GHR: variants seen among roughly 807,000 people sequenced by gnomAD.
GHR encodes the protein GH receptor.
Under a neutral mutation model 67.1 loss-of-function variants are expected in GHR, and 35 were observed. That is an observed-to-expected ratio of 0.52 (90% CI 0.40 to 0.69). GHR has a LOEUF of 0.69. Among genes scored for constraint, GHR ranks in the 30% least tolerant of loss-of-function variants. The pLI is 0.00. For missense variants in GHR, 792 were observed against 764.6 expected, an observed-to-expected ratio of 1.04 and a Z score of -0.42; for synonymous variants, 272 against 269.1, an observed-to-expected ratio of 1.01 and a Z score of -0.10.
At chr5:42,493,471 TAC>T (rs1746199571) in intron 1 of GHR, among the ~76,000 whole-genome samples, 1 of 152,322 alleles carries the variant, frequency 6.6e-6, no homozygotes, top group Admixed American at 6.5e-5. Context: ...ATACATGAGC[TAC>T]ACAGTTTCAG....
At chr5:42,621,098 GC>G (rs1200881018) in intron 2 of GHR, among the ~76,000 whole-genome samples, 1 of 152,036 alleles carries the variant, frequency 6.6e-6, no homozygotes, top group Non-Finnish European at 1.5e-5. Context: ...ACTGATTATG[GC>G]CTGGTATTGA....
intron 1 of GHR, among the ~76,000 whole-genome samples, chr5:42,563,356 T>A (rs1015070366): frequency 5.3e-5 from 8 of 152,122 alleles, no homozygotes; most frequent in Admixed American, 5.2e-4. Flanking sequence ...GGCTCATACC[T>A]GTAATCCCAG....
intron 1 of GHR, among the ~76,000 whole-genome samples, chr5:42,425,487 C>T (rs943976079): frequency 2.6e-5 from 4 of 151,558 alleles, no homozygotes; most frequent in African/African-American, 9.8e-5. Context: ...ATGTTGAAAC[C>T]TTTCCAGAAA....
chr5:42,694,007 C>A (rs1403033228), intron 4 of GHR, among the ~76,000 whole-genome samples: 2 of 152,186 alleles, frequency 1.3e-5, no homozygotes, highest in Non-Finnish European at 2.9e-5. Context: ...TTACCTCAAT[C>A]CCTTTGACCT....
chr5:42,448,573 CTATTATTAT>C (rs56084873), intron 1 of GHR, among the ~76,000 whole-genome samples: 30,046 of 144,234 alleles, frequency 0.21, 3,691 homozygotes, highest in Middle Eastern at 0.28. Flanking sequence ...TATCTGTTTA[CTATTATTAT>C]TATTATTATT....
chr5:42,685,600 C>A (rs1017892258), intron 3 of GHR, among the ~76,000 whole-genome samples: 3 of 152,186 alleles, frequency 2.0e-5, no homozygotes, highest in African/African-American at 7.2e-5. Flanking sequence ...TCCTCTCCAG[C>A]ATCTGTTTTT....
intron 1 of GHR, among the ~76,000 whole-genome samples, chr5:42,428,263 C>T (rs1188475499): frequency 1.3e-5 from 2 of 152,218 alleles, no homozygotes; most frequent in Non-Finnish European, 2.9e-5. Context: ...TTGGGGCTTT[C>T]ACCCTTTGCA....
intron 1 of GHR, among the ~76,000 whole-genome samples, chr5:42,525,913 G>A (rs185444135): frequency 6.9e-4 from 105 of 152,292 alleles, no homozygotes; most frequent in Middle Eastern, 3.4e-3. Context: ...CCATACATGT[G>A]GAACTGTAAG....
At chr5:42,519,060 C>A (rs1747363817) in intron 1 of GHR, among the ~76,000 whole-genome samples, 1 of 152,160 alleles carries the variant, frequency 6.6e-6, no homozygotes, top group Non-Finnish European at 1.5e-5. Context: ...GAAAGCAAGA[C>A]CTCACTGAAA....
intron 2 of GHR, among the ~76,000 whole-genome samples, chr5:42,583,873 A>T (rs571432434): frequency 2.0e-4 from 30 of 147,262 alleles, no homozygotes; most frequent in African/African-American, 7.4e-4. Context: ...ATATCTTTAA[A>T]TAAAGATATA....
In GHR at chr5:42,472,199, GATT is replaced by G. The variant is rs1404164351; in HGVS notation, c.-12+48248_-12+48250del. ...ATCCCTTAAACATCTACAGGAAGAT[GATT>G]ATTTTAAGATGCTTTACTTCTGGAG... On this transcript the variant is annotated intron_variant, in intron 1 of 9. Coordinates refer to ENST00000230882, the MANE Select transcript of GHR (RefSeq NM_000163.5). 1.6e-4 allele frequency among the ~76,000 whole-genome samples: 24 copies of G among 152,160 alleles called. 1 individual carries two copies.
chr5:42,523,083 A>G (rs1274719987), intron 1 of GHR, among the ~76,000 whole-genome samples: 1 of 152,220 alleles, frequency 6.6e-6, no homozygotes, highest in Non-Finnish European at 1.5e-5. Flanking sequence ...ACTCTTTTAT[A>G]TGATTACAAC....
rs1304693252 is a variant in GHR, at chr5:42,570,912, GGA to G, written c.70+4975_70+4976del. ...GGAGGAAGTTGATGACAATAGGTCA[GGA>G]GAGAGATAATCTAAGTGTGACAGGG... On this transcript the variant is annotated intron_variant, in intron 2 of 9. Transcript: ENST00000230882. Among the ~76,000 whole-genome samples the G allele has an allele frequency of 6.6e-5, 10 of 152,294 alleles. No homozygotes were observed. The South Asian group carries it at 1.9e-3, about 28-fold the overall frequency.
At chr5:42,644,254 G>T (rs1387295144) in intron 3 of GHR, among the ~76,000 whole-genome samples, 2 of 152,112 alleles carry the variant, frequency 1.3e-5, no homozygotes, top group African/African-American at 4.8e-5. Flanking sequence ...GTTGAAAATT[G>T]TTGATGAACA....
chr5:42,478,153 T>G (rs1745430570), intron 1 of GHR, among the ~76,000 whole-genome samples: 1 of 152,238 alleles, frequency 6.6e-6, no homozygotes, highest in Admixed American at 6.5e-5. Flanking sequence ...CCTTTCCCCA[T>G]TTCTTGTTTT....
At chr5:42,594,907 A>T (rs1376084735) in intron 2 of GHR, among the ~76,000 whole-genome samples, 1 of 152,188 alleles carries the variant, frequency 6.6e-6, no homozygotes, top group African/African-American at 2.4e-5. Flanking sequence ...CTGTACACTC[A>T]TGAAGAATGA....
At chr5:42,473,568 T>C (rs1745099670) in intron 1 of GHR, among the ~76,000 whole-genome samples, 2 of 152,068 alleles carry the variant, frequency 1.3e-5, no homozygotes, top group Non-Finnish European at 2.9e-5. Flanking sequence ...GATAAGCAAA[T>C]TAGAAAGGTC....
At chr5:42,487,989 T>C (rs781301278) in intron 1 of GHR, among the ~76,000 whole-genome samples, 1 of 152,182 alleles carries the variant, frequency 6.6e-6, no homozygotes, top group Non-Finnish European at 1.5e-5. Flanking sequence ...TGTTTTTTGA[T>C]AGAACAGCTC....
intron 1 of GHR, among the ~76,000 whole-genome samples, chr5:42,461,389 C>T (rs936615842): frequency 2.0e-5 from 3 of 152,212 alleles, no homozygotes; most frequent in African/African-American, 7.2e-5. Flanking sequence ...CTGACACCTG[C>T]CTTCCTTTTT....
Sources: allele counts gnomAD v4.1 joint callset (sites outside exome capture counted in the v4.1 genomes callset), GRCh38; gene constraint gnomAD v4.1.1; transcripts MANE v1.5; gene names NCBI Gene and HGNC (gene_info 2026-07-23, HGNC 2026-07-21).